The following BID variants were observed in gnomAD, a reference collection of about 807,000 sequenced individuals.
BID encodes BH3-interacting domain death agonist.
BID carries 19 observed loss-of-function variants against 17.4 expected under a neutral mutation model. That is an observed-to-expected ratio of 1.09 (90% confidence interval 0.76 to 1.60). The LOEUF is 1.60. BID is among the 40% of genes most tolerant of loss of function. The pLI is 0.00. For synonymous variants in BID, 108 were observed against 102.8 expected (o/e 1.05, Z -0.31); for missense variants, 226 against 256.0 (o/e 0.88, Z 0.80).
chr22:17,770,977 G>A lies in BID; in HGVS notation c.-59+3404C>T, dbSNP rs200120098. Among the ~76,000 whole-genome samples, 216 of 152,344 alleles carry A rather than the reference G, an allele frequency of 1.4e-3. 5 individuals carry two copies. In the East Asian group the frequency reaches 0.04, roughly 28 times the overall value. On this transcript the variant is annotated intron_variant, in intron 1 of 5. Transcript: ENST00000622694. ...GAAGACAGGTATCTCCTCCCCTGGG[G>A]CCACAGCAGCCACAGAGGCCACCCA...
At chr22:17,749,985 T>A in intron 2 of BID, 120 bp downstream of exon 2, 1 of 976,908 alleles carries the variant, frequency 1.0e-6, no homozygotes, top group Non-Finnish European at 1.5e-6. Flanking sequence ...TGTGCCGAGC[T>A]GTGGTAAGGG....
At chr22:17,753,443 G>A (rs1186586820) in intron 1 of BID, among the ~76,000 whole-genome samples, 2 of 152,222 alleles carry the variant, frequency 1.3e-5, no homozygotes, top group Admixed American at 1.3e-4. Flanking sequence ...CCTCCCCTAG[G>A]CAACGGTCTT....
intron 1 of BID, among the ~76,000 whole-genome samples, chr22:17,755,758 C>G (rs915186979): frequency 1.4e-5 from 2 of 147,544 alleles, no homozygotes; most frequent in African/African-American, 2.5e-5. Flanking sequence ...AGAGATCGCA[C>G]TACTGCACTA....
intron 1 of BID, among the ~76,000 whole-genome samples, chr22:17,760,781 A>G (rs1203264251): frequency 6.6e-6 from 1 of 152,184 alleles, no homozygotes; most frequent in Non-Finnish European, 1.5e-5. Context: ...GCACCAGGCA[A>G]TCCTTTCCCA....
chr22:17,752,751 C>T (rs2061548864), intron 1 of BID, among the ~76,000 whole-genome samples: 1 of 152,018 alleles, frequency 6.6e-6, no homozygotes, highest in African/African-American at 2.4e-5. Context: ...CTGCATGCTC[C>T]ACTTCCCGGG....
intron 1 of BID, among the ~76,000 whole-genome samples, chr22:17,758,743 T>TG (rs1421091549): frequency 1.3e-5 from 2 of 152,152 alleles, no homozygotes; most frequent in Non-Finnish European, 2.9e-5. Context: ...TGCCAAGGGC[T>TG]GGGGGTGGCA....
intron 1 of BID, among the ~76,000 whole-genome samples, chr22:17,753,407 G>A (rs983559384): frequency 6.6e-6 from 1 of 152,228 alleles, no homozygotes; most frequent in Admixed American, 6.5e-5. Context: ...GACCCTGGGG[G>A]CCCCATCCCT....
Position 17,769,577 on chromosome 22 carries a change from C to T in BID, c.-59+4804G>A, listed in dbSNP as rs892564354. Among the ~76,000 whole-genome samples the T allele has an allele frequency of 7.9e-5, 12 of 152,314 alleles. No individual in the cohort carries two copies. The East Asian group carries it at 1.4e-3, about 17-fold the overall frequency. On this transcript the variant is annotated intron_variant, in intron 1 of 5. Coordinates refer to ENST00000622694, the MANE Select transcript of BID (RefSeq NM_001196.4). The surrounding 1 kb of genome is among the most constrained non-coding windows in gnomAD (Gnocchi z 4.8). ...TGTGCTGTCATCCAGAGTGCCACCCCGCTTTTCCAGGGCACAGCAAGGAAG... is the reference window on the plus strand; with the variant it reads ...TGTGCTGTCATCCAGAGTGCCACCCTGCTTTTCCAGGGCACAGCAAGGAAG...
chr22:17,750,232 TC>T lies in BID; in HGVS notation c.-58-59del, dbSNP rs2061527504. 4.7e-6 allele frequency: 7 copies of T among 1,486,560 alleles called. No homozygotes were observed. In the South Asian group the frequency reaches 8.3e-5, roughly 18 times the overall value. 92.1% of individuals were successfully genotyped at this position (1,486,560 alleles called of 1,614,324 possible). A position where few individuals can be genotyped will look rare whatever the true frequency, so the allele number is the denominator to read the frequency against. Reference sequence around the variant, plus strand: ...CCTGGGAAGCCCTGGTCAGGACCCCTCGGGAGGACGACGAAGCTGGCCTGTG... The same window carrying T: ...CCTGGGAAGCCCTGGTCAGGACCCCTGGGAGGACGACGAAGCTGGCCTGTG... On this transcript the variant is annotated intron_variant, in intron 1 of 5. Transcript: ENST00000622694.
Position 17,735,436 on chromosome 22 carries a change from C to CTT in BID, c.*142_*143dup, listed in dbSNP as rs1359522995. 2 of 866,946 alleles carry CTT rather than the reference C, an allele frequency of 2.3e-6. No homozygotes were observed. The highest frequency in any genetic ancestry group is 3.6e-6 in the Non-Finnish European group (2 of 549,370). 53.7% of individuals were successfully genotyped at this position (866,946 alleles called of 1,614,324 possible). A position where few individuals can be genotyped will look rare whatever the true frequency, so the allele number is the denominator to read the frequency against. ...AAGTGGGTTATAAGTTTAACATTGT[C>CTT]TTTAAAATAGAAGTCACAGCTATCT... On this transcript the variant is annotated 3_prime_UTR_variant, in exon 6 of 6. Coordinates refer to ENST00000622694, the MANE Select transcript of BID (RefSeq NM_001196.4).
chr22:17,749,596 G>A (rs1005368965), intron 2 of BID, among the ~76,000 whole-genome samples: 1 of 152,234 alleles, frequency 6.6e-6, no homozygotes, highest in Non-Finnish European at 1.5e-5. Flanking sequence ...GCATTGGTTA[G>A]ACAAGGTAAG....
chr22:17,758,213 G>C (rs2061608605), intron 1 of BID, among the ~76,000 whole-genome samples: 1 of 152,156 alleles, frequency 6.6e-6, no homozygotes, highest in East Asian at 1.9e-4. Context: ...GCCACGCTGT[G>C]AGCTGGGGCC....
intron 1 of BID, among the ~76,000 whole-genome samples, chr22:17,757,825 G>A (rs926975919): frequency 6.6e-6 from 1 of 152,192 alleles, no homozygotes; most frequent in Admixed American, 6.5e-5. Context: ...GCTCCCAACA[G>A]CAAGGGACTC....
chr22:17,761,758 G>C (rs2061640686), intron 1 of BID, among the ~76,000 whole-genome samples: 1 of 152,088 alleles, frequency 6.6e-6, no homozygotes. Context: ...TGAAGGCAAA[G>C]GCATTAATGA....
At chr22:17,757,865 A>T (rs1009385208) in intron 1 of BID, among the ~76,000 whole-genome samples, 1 of 152,126 alleles carries the variant, frequency 6.6e-6, no homozygotes, top group Non-Finnish European at 1.5e-5. Context: ...TGCCTGGGAG[A>T]GGCTCCAAGG....
chr22:17,768,103 G>A (rs1023994701), intron 1 of BID, among the ~76,000 whole-genome samples: 1 of 152,198 alleles, frequency 6.6e-6, no homozygotes. Context: ...AAAGATTAGG[G>A]CTGCCAGGGC....
At position 17,744,021 on chromosome 22, in the gene BID, G is replaced by A; in HGVS notation, c.13-8C>T. On this transcript the variant is annotated splice_polypyrimidine_tract_variant and splice_region_variant and intron_variant, in intron 2 of 5. Transcript: ENST00000622694. ...GCTGGAACCGTTGTTGACCTGAGGG[G>A]AAAGGGGAGTCAGGAAGCCGGGACT... 1 of 1,611,040 alleles carries A rather than the reference G, an allele frequency of 6.2e-7. No individual in the cohort carries two copies. The highest frequency in any genetic ancestry group is 8.5e-7 in the Non-Finnish European group (1 of 1,177,634).
intron 1 of BID, among the ~76,000 whole-genome samples, chr22:17,761,046 G>C (rs2061634559): frequency 6.6e-6 from 1 of 152,174 alleles, no homozygotes. Context: ...AGCGTCTCTT[G>C]TGATTTGACA....
Position 17,773,757 on chromosome 22 carries a change from C to T in BID, c.-59+624G>A. On this transcript the variant is annotated intron_variant, in intron 1 of 5. Coordinates refer to ENST00000622694, the MANE Select transcript of BID (RefSeq NM_001196.4). The surrounding 1 kb of genome is among the most constrained non-coding windows in gnomAD (Gnocchi z 4.4). ...CACTTGGTGGCTGAGGGCTTCAGAG[C>T]TCTCCCAGGGTCCCCTGGGGTCATT... is the stretch of plus-strand genomic sequence containing the variant. The T allele has an allele frequency of 2.7e-6, 4 of 1,505,162 alleles. No homozygotes were observed. Among genetic ancestry groups the T allele is most frequent in the South Asian group, 1.2e-5 (1 of 86,354 alleles). 93.2% of individuals were successfully genotyped at this position (1,505,162 alleles called of 1,614,324 possible).
Sources: allele counts gnomAD v4.1 joint callset (sites outside exome capture counted in the v4.1 genomes callset), GRCh38; gene constraint gnomAD v4.1.1; non-coding constraint Gnocchi (gnomAD v3.1); transcripts MANE v1.5; gene names NCBI Gene and HGNC (gene_info 2026-07-23, HGNC 2026-07-21).